Variants in CNTN4 observed in about 807,000 individuals in gnomAD.
CNTN4 encodes contactin-4.
A neutral mutation model predicts 122.5 loss-of-function variants in CNTN4; 77 were observed. The ratio of observed to expected loss-of-function variants is 0.63; its 90% confidence interval spans 0.52 to 0.76. The LOEUF (loss-of-function observed/expected upper bound fraction) is 0.76. Among genes scored for constraint, CNTN4 ranks in the 30% least tolerant of loss-of-function variants. CNTN4 has a pLI of 0.00. For missense variants in CNTN4, 1,256 were observed against 1,259.1 expected, an observed-to-expected ratio of 1.00 and a Z score of 0.04; for synonymous variants, 512 against 447.0, an observed-to-expected ratio of 1.15 and a Z score of -1.83.
intron 4 of CNTN4, among the ~76,000 whole-genome samples, chr3:2,681,277 C>G (rs978770757): frequency 1.3e-5 from 2 of 152,122 alleles, no homozygotes; most frequent in South Asian, 4.1e-4. Context: ...TAAGCTATGG[C>G]CTAGAAGTTT....
chr3:2,983,213 C>CAAA lies in CNTN4; in HGVS notation c.1359-5092_1359-5090dup, dbSNP rs57079892. On this transcript the variant is annotated intron_variant, in intron 13 of 24. Transcript: ENST00000418658. ...TGGGTGACAGAGCGAGACTCCATCTCAAAAAAAAAAAAAAAAAAAAAAAAA... is the reference window on the plus strand; with the variant it reads ...TGGGTGACAGAGCGAGACTCCATCTCAAAAAAAAAAAAAAAAAAAAAAAAAAAA... Among the ~76,000 whole-genome samples, 21 of 19,014 alleles carry CAAA rather than the reference C, an allele frequency of 1.1e-3. 6 individuals are homozygous for CAAA. Among genetic ancestry groups the CAAA allele is most frequent in the Non-Finnish European group, 1.7e-3 (17 of 9,782 alleles). 12.5% of individuals were successfully genotyped at this position (19,014 alleles called of 152,430 possible).
intron 13 of CNTN4, among the ~76,000 whole-genome samples, chr3:2,970,873 C>T (rs946702533): frequency 3.9e-5 from 6 of 152,070 alleles, no homozygotes; most frequent in Non-Finnish European, 7.4e-5. Flanking sequence ...CTGCAACCTC[C>T]GCCTCCTGGG....
intron 3 of CNTN4, among the ~76,000 whole-genome samples, chr3:2,474,216 C>T (rs1024549673): frequency 6.6e-6 from 1 of 152,024 alleles, no homozygotes; most frequent in Non-Finnish European, 1.5e-5. Context: ...TCACATATAT[C>T]GTAATTGTTT....
At chr3:2,577,532 C>A (rs536841783) in intron 4 of CNTN4, among the ~76,000 whole-genome samples, 1 of 152,220 alleles carries the variant, frequency 6.6e-6, no homozygotes, top group South Asian at 2.1e-4. Flanking sequence ...TACTTCTGTA[C>A]AATGAAGGAG....
intron 16 of CNTN4, among the ~76,000 whole-genome samples, chr3:3,032,248 T>C (rs532713355): frequency 4.4e-4 from 67 of 152,288 alleles, no homozygotes; most frequent in African/African-American, 1.5e-3. Flanking sequence ...TGCCCTCCCC[T>C]TGGGAACAAA....
At chr3:2,189,838 C>T (rs1378587003) in intron 2 of CNTN4, among the ~76,000 whole-genome samples, 2 of 152,168 alleles carry the variant, frequency 1.3e-5, no homozygotes, top group African/African-American at 4.8e-5. Context: ...ACTCTCTCGT[C>T]AGTAGCCTTC....
intron 6 of CNTN4, among the ~76,000 whole-genome samples, chr3:2,752,515 A>G (rs899746855): frequency 1.3e-5 from 2 of 152,048 alleles, no homozygotes; most frequent in African/African-American, 4.8e-5. Context: ...ACAGGCGCCC[A>G]CCACCACGCC....
At chr3:2,865,568 ACCCTCCCCTCAAC>A (rs2093715209) in intron 7 of CNTN4, among the ~76,000 whole-genome samples, 1 of 152,096 alleles carries the variant, frequency 6.6e-6, no homozygotes. Context: ...TTGTTCCCTT[ACCCTCCCCTCAAC>A]AAAGTAATTT....
intron 4 of CNTN4, among the ~76,000 whole-genome samples, chr3:2,580,653 C>T (rs2079893758): frequency 6.6e-6 from 1 of 152,088 alleles, no homozygotes; most frequent in Admixed American, 6.6e-5. Context: ...GACCTTAATT[C>T]ATTTAGTCCT....
At chr3:2,268,370 T>A (rs2149797147) in intron 2 of CNTN4, among the ~76,000 whole-genome samples, 1 of 152,228 alleles carries the variant, frequency 6.6e-6, no homozygotes, top group African/African-American at 2.4e-5. Flanking sequence ...TACATGCGTG[T>A]GACTTCTCAG....
Position 3,040,136 on chromosome 3 carries a change from GC to G in CNTN4, c.2264del (p.Ala755ValfsTer23). Reference protein sequence around the residue: ...MIWMLTVLASADASRYVFRNE... With the variant: ...MIWMLTVLASXDASRYVFRNE... The stretch of plus-strand genomic sequence containing the variant: ...CTGGATGCTGACAGTGCTGGCCTCA[GC>G]TGATGCCTCTAGATACGTGTTCAGG... On this transcript the variant is annotated frameshift_variant, in exon 20 of 25. Transcript: ENST00000418658. LOFTEE classifies it high-confidence loss of function. The G allele has an allele frequency of 6.2e-7, 1 of 1,614,168 alleles. No homozygotes were observed. Among genetic ancestry groups the G allele is most frequent in the Non-Finnish European group, 8.5e-7 (1 of 1,179,998 alleles).
rs543433260 is a variant in CNTN4 at position 2,993,531 on chromosome 3, C to T, written c.1486+5059C>T. 2.6e-5 allele frequency among the ~76,000 whole-genome samples: 4 copies of T among 151,966 alleles called. No individual in the cohort carries two copies. In the East Asian group the frequency reaches 7.8e-4, roughly 29 times the overall value. ...TCAAGGCTGGTTTCGAACTCCTGAC[C>T]TCAGATGATCTGCCCGCCTCGGCCT... On this transcript the variant is annotated intron_variant, in intron 14 of 24. Coordinates refer to ENST00000418658, the MANE Select transcript of CNTN4 (RefSeq NM_175607.3).
intron 6 of CNTN4, among the ~76,000 whole-genome samples, chr3:2,778,723 G>A (rs1576757344): frequency 1.3e-5 from 2 of 152,044 alleles, no homozygotes; most frequent in East Asian, 1.9e-4. Flanking sequence ...CAATTCAGTG[G>A]GTTCAGCATA....
At chr3:2,114,566 G>A (rs964334644) in intron 2 of CNTN4, among the ~76,000 whole-genome samples, 3 of 152,160 alleles carry the variant, frequency 2.0e-5, no homozygotes, top group Admixed American at 6.5e-5. Context: ...ATGAGTGGAC[G>A]CTAGGGGTAT....
chr3:2,750,591 C>T (rs1402229768), intron 6 of CNTN4, among the ~76,000 whole-genome samples: 1 of 152,250 alleles, frequency 6.6e-6, no homozygotes, highest in South Asian at 2.1e-4. Flanking sequence ...GATAAGCATA[C>T]ATTATTGTAA....
At chr3:3,019,819 T>C (rs1277864723) in intron 14 of CNTN4, among the ~76,000 whole-genome samples, 1 of 143,466 alleles carries the variant, frequency 7.0e-6, no homozygotes. Context: ...TATATATACA[T>C]ATATATATTT....
intron 13 of CNTN4, among the ~76,000 whole-genome samples, chr3:2,952,223 G>A (rs1440575235): frequency 6.6e-6 from 1 of 152,186 alleles, no homozygotes; most frequent in Non-Finnish European, 1.5e-5. Flanking sequence ...CTAGGATATA[G>A]TTGGAACCTG....
intron 16 of CNTN4, among the ~76,000 whole-genome samples, chr3:3,033,292 CAT>C (rs897579967): frequency 5.9e-5 from 9 of 152,084 alleles, no homozygotes; most frequent in African/African-American, 2.2e-4. Context: ...GAAATGTCAC[CAT>C]GGAAAATTAA....
Position 2,173,634 on chromosome 3 carries a change from T to C in CNTN4, c.-145+72995T>C, listed in dbSNP as rs921384494. ...GTTGGTTATACTATGGCAAGTATGA[T>C]GTAGAGAAAATCTTTCGGATGTTCG... On this transcript the variant is annotated intron_variant, in intron 2 of 24. Transcript: ENST00000418658. 4.6e-5 allele frequency among the ~76,000 whole-genome samples: 7 copies of C among 152,130 alleles called. 1 individual carries two copies. Among genetic ancestry groups the C allele is most frequent in the Admixed American group, 4.6e-4 (7 of 15,262 alleles).
Sources: allele counts gnomAD v4.1 joint callset (sites outside exome capture counted in the v4.1 genomes callset), GRCh38; gene constraint gnomAD v4.1.1; transcripts MANE v1.5; gene names NCBI Gene and HGNC (gene_info 2026-07-23, HGNC 2026-07-21).